ITGA6: variants seen among roughly 807,000 people sequenced by gnomAD.
The protein encoded by ITGA6 is integrin alpha-6.
A neutral mutation model predicts 133.6 loss-of-function variants in ITGA6; 63 were observed. The ratio of observed to expected loss-of-function variants is 0.47; its 90% CI spans 0.38 to 0.58. The LOEUF is 0.58. ITGA6 is among the 20% of genes least tolerant of loss of function. ITGA6 has a pLI of 0.00. For missense variants in ITGA6, 1,068 were observed against 1,309.4 expected, an observed-to-expected ratio of 0.82 and a Z score of 2.85; for synonymous variants, 434 against 482.0, an observed-to-expected ratio of 0.90 and a Z score of 1.30.
At chr2:172,489,441 A>G (rs764967710) in intron 19 of ITGA6, 44 bp from the exon 20 acceptor site, 1 of 1,459,112 alleles carries the variant, frequency 6.9e-7, no homozygotes, top group South Asian at 1.1e-5. Context: ...TTAAATTTAC[A>G]TTGAGAAGAT....
At chr2:172,498,687 A>G (rs762021490) in intron 24 of ITGA6, among the ~76,000 whole-genome samples, 2 of 152,218 alleles carry the variant, frequency 1.3e-5, no homozygotes, top group Non-Finnish European at 2.9e-5. Flanking sequence ...TCTTCCCCTG[A>G]TTCTACCAGT....
intron 1 of ITGA6, among the ~76,000 whole-genome samples, chr2:172,457,169 C>T (rs1285828693): frequency 1.3e-5 from 2 of 151,890 alleles, no homozygotes; most frequent in Admixed American, 6.6e-5. Flanking sequence ...TGGCGGGCAC[C>T]TGTAGTGCGA....
In ITGA6 at chr2:172,470,988, G is replaced by C; in HGVS notation, c.658G>C (p.Glu220Gln). Residue 220 changes from glutamate (E) to glutamine (Q), a missense_variant, in exon 5 of 26, where the codon GAG (glutamate) becomes CAG (glutamine). Coordinates refer to ENST00000684293, the MANE Select transcript of ITGA6 (RefSeq NM_000210.4). Reference protein sequence around the residue: ...TYNWKGIVRVEQKNNTFFDMN... With the variant: ...TYNWKGIVRVQQKNNTFFDMN... The stretch of plus-strand genomic sequence containing the variant: ...CATTCCTTTAGGGATTGTTCGTGTA[G>C]AGCAAAAGAATAACACTTTTTTTGA... 1 of 1,613,976 alleles carries C rather than the reference G, an allele frequency of 6.2e-7. No individual in the cohort carries two copies. Among genetic ancestry groups the C allele is most frequent in the Non-Finnish European group, 8.5e-7 (1 of 1,179,894 alleles).
At chr2:172,498,654 TTGAC>T (rs1419118563) in intron 24 of ITGA6, among the ~76,000 whole-genome samples, 4 of 152,194 alleles carry the variant, frequency 2.6e-5, no homozygotes, top group Non-Finnish European at 5.9e-5. Flanking sequence ...ATTTGGCCCT[TTGAC>T]TGTAAATAAA....
chr2:172,446,144 CTG>C (rs1684759591), intron 1 of ITGA6, among the ~76,000 whole-genome samples: 1 of 152,238 alleles, frequency 6.6e-6, no homozygotes, highest in East Asian at 1.9e-4. Context: ...AGAAAATAAA[CTG>C]TGACCATATT....
In ITGA6 at chr2:172,453,215, C is replaced by G. The variant is rs563388803; in HGVS notation, c.183-12324C>G. On this transcript the variant is annotated intron_variant, in intron 1 of 25. Transcript: ENST00000684293. The stretch of plus-strand genomic sequence containing the variant: ...TGTTAATTATAATCTAACTGTTACA[C>G]AATTTTTTTTTTTTTAAATCACAGT... Among the ~76,000 whole-genome samples the G allele has an allele frequency of 6.3e-3, 957 of 151,952 alleles. 11 individuals carry two copies. The highest frequency in any genetic ancestry group is 0.021 in the African/African-American group (884 of 41,448).
chr2:172,492,746 T>C (rs1686975110), intron 23 of ITGA6, among the ~76,000 whole-genome samples: 1 of 152,246 alleles, frequency 6.6e-6, no homozygotes, highest in East Asian at 1.9e-4. Flanking sequence ...GAGAAAGAAA[T>C]ACTGTGAATT....
chr2:172,480,030 G>T lies in ITGA6; in HGVS notation c.1528G>T (p.Ala510Ser). 6.3e-7 allele frequency: 1 copy of T among 1,584,556 alleles called. No individual in the cohort carries two copies. Among genetic ancestry groups the T allele is most frequent in the Non-Finnish European group, 8.7e-7 (1 of 1,153,210 alleles). The change falls in exon 11 of 26, where the codon GCT becomes TCT. Residue 510 changes from alanine to serine, a missense_variant. This residue lies in a region of ITGA6 where 609 missense variants were observed against 707.2 expected (regional missense o/e 0.86). Coordinates refer to ENST00000684293, the MANE Select transcript of ITGA6 (RefSeq NM_000210.4). Reference sequence around the variant, plus strand: ...CTGTTTTGAATATACTGCTAACCCCGCTGGTTATAATCCTTCAATATGTAA... The same window carrying T: ...CTGTTTTGAATATACTGCTAACCCCTCTGGTTATAATCCTTCAATATGTAA... ...KSCFEYTANPAGYNPSISIVG... is the reference protein window; with the variant it reads ...KSCFEYTANPSGYNPSISIVG...
At chr2:172,465,342 CCT>C (rs1170537016) in intron 1 of ITGA6, 195 bp from the exon 2 acceptor site, 9 of 662,502 alleles carry the variant, frequency 1.4e-5, no homozygotes, top group African/African-American at 3.6e-5. Context: ...TTTGGCTTCC[CCT>C]GTTTAGTTGT....
At chr2:172,452,003 C>A (rs796253040) in intron 1 of ITGA6, among the ~76,000 whole-genome samples, 15 of 151,870 alleles carry the variant, frequency 9.9e-5, no homozygotes, top group African/African-American at 3.4e-4. Flanking sequence ...TTCCTCCCTT[C>A]ATTTTTACTT....
chr2:172,487,628 A>G lies in ITGA6; in HGVS notation c.2242A>G (p.Asn748Asp). 1 of 1,613,908 alleles carries G rather than the reference A, an allele frequency of 6.2e-7. No homozygotes were observed. The highest frequency in any genetic ancestry group is 8.5e-7 in the Non-Finnish European group (1 of 1,179,752). ...CGGAAATCCTTTTAAAAGAAATTCA[A>G]ATGTAGGTGATGCCTTCATATACTG... ...ELGNPFKRNS[N>D]VTFYLVLSTT... The change falls in exon 16 of 26, where the codon AAT (asparagine) becomes GAT (aspartate). Residue 748 changes from asparagine to aspartate, a missense_variant and splice_region_variant. Physicochemically the swap from Asn to Asp is conservative, Grantham distance 23. This residue lies in a region of ITGA6 where 609 missense variants were observed against 707.2 expected (regional missense o/e 0.86). Transcript: ENST00000684293.
At chr2:172,451,757 C>T (rs927034948) in intron 1 of ITGA6, among the ~76,000 whole-genome samples, 3 of 152,052 alleles carry the variant, frequency 2.0e-5, no homozygotes, top group Admixed American at 6.5e-5. Context: ...TGGCAAGTAT[C>T]GACTGACTTG....
intron 1 of ITGA6, among the ~76,000 whole-genome samples, chr2:172,464,819 C>T (rs564046246): frequency 2.4e-4 from 36 of 152,148 alleles, no homozygotes; most frequent in Admixed American, 1.1e-3. Context: ...TGAGAGAGGA[C>T]GAACTCTTGT....
chr2:172,446,379 G>T (rs570739981), intron 1 of ITGA6, among the ~76,000 whole-genome samples: 1 of 152,116 alleles, frequency 6.6e-6, no homozygotes, highest in Non-Finnish European at 1.5e-5. Context: ...TATTTTTTGA[G>T]TTAACACTGA....
intron 10 of ITGA6, 125 bp from the exon 11 acceptor site, chr2:172,479,865 C>A: frequency 9.1e-7 from 1 of 1,099,328 alleles, no homozygotes; most frequent in Non-Finnish European, 1.4e-6. Context: ...GAGGGTCTGT[C>A]AAGTGTTTTT....
rs112263187 is a variant in ITGA6 at position 172,447,523 on chromosome 2, G to T, written c.183-18016G>T. ...CCCAGCCCCAATTTTATTTTAAAATGAGCTAGTTATATATTTATTTCTGTA... is the reference window on the plus strand; with the variant it reads ...CCCAGCCCCAATTTTATTTTAAAATTAGCTAGTTATATATTTATTTCTGTA... On this transcript the variant is annotated intron_variant, in intron 1 of 25. Coordinates refer to ENST00000684293, the MANE Select transcript of ITGA6 (RefSeq NM_000210.4). Among the ~76,000 whole-genome samples the T allele has an allele frequency of 4.9e-3, 745 of 152,248 alleles. 8 individuals carry two copies. Among genetic ancestry groups the T allele is most frequent in the African/African-American group, 0.016 (683 of 41,542 alleles).
At chr2:172,487,685 C>G in intron 16 of ITGA6, 43 bp from the exon 17 acceptor site, 1 of 1,586,866 alleles carries the variant, frequency 6.3e-7, no homozygotes, top group South Asian at 1.1e-5. Flanking sequence ...ATTGCAGTGT[C>G]TGTATGCATG....
chr2:172,492,364 C>T (rs982392601), intron 23 of ITGA6, among the ~76,000 whole-genome samples: 1 of 152,196 alleles, frequency 6.6e-6, no homozygotes, highest in Non-Finnish European at 1.5e-5. Flanking sequence ...GCTGTGTTTC[C>T]AGTATCCTGT....
At position 172,427,617 on chromosome 2, in the gene ITGA6, G is replaced by A. The variant is rs1055286791; in HGVS notation, c.-172G>A. The A allele has an allele frequency of 3.1e-6, 4 of 1,279,562 alleles. No homozygotes were observed. Among genetic ancestry groups the A allele is most frequent in the Non-Finnish European group, 3.9e-6 (4 of 1,016,584 alleles). The allele number at this position is 1,279,562 out of a possible 1,614,324, so 79.3% of individuals were successfully genotyped here. On this transcript the variant is annotated 5_prime_UTR_variant, in exon 1 of 26. Coordinates refer to ENST00000684293, the MANE Select transcript of ITGA6 (RefSeq NM_000210.4). Reference sequence around the variant, plus strand: ...CTCATTCAGCGGTCGCGAGCTGCCCGCGAGGGGGAGCGGCCGGACGGAGAG... The same window carrying A: ...CTCATTCAGCGGTCGCGAGCTGCCCACGAGGGGGAGCGGCCGGACGGAGAG...
Sources: allele counts gnomAD v4.1 joint callset (sites outside exome capture counted in the v4.1 genomes callset), GRCh38; gene constraint gnomAD v4.1.1; regional missense constraint gnomAD v4.1.1; transcripts MANE v1.5; gene names NCBI Gene and HGNC (gene_info 2026-07-23, HGNC 2026-07-21).